TFPI2: variants seen among roughly 807,000 people sequenced by gnomAD.
TFPI2 encodes tissue factor pathway inhibitor 2.
TFPI2 carries 23 observed loss-of-function variants against 23.1 expected under a neutral mutation model. The observed-to-expected ratio is 1.00, with a 90% CI of 0.72 to 1.41. TFPI2 has a LOEUF of 1.41. Among genes scored for constraint, TFPI2 ranks in the 40% most tolerant of loss-of-function variants. The probability of loss-of-function intolerance (pLI) is 0.00; values close to 1 mark genes in which losing one functional copy is unlikely to be tolerated. For missense variants in TFPI2, 291 were observed against 299.6 expected, an observed-to-expected ratio of 0.97 and a Z score of 0.21; for synonymous variants, 119 against 111.7, an observed-to-expected ratio of 1.07 and a Z score of -0.41.
Position 93,889,339 on chromosome 7 carries a change from A to T in TFPI2, c.272-116T>A, listed in dbSNP as rs1314083313. 8 of 937,936 alleles carry T rather than the reference A, an allele frequency of 8.5e-6. No individual in the cohort carries two copies. The Admixed American group carries it at 2.2e-4, about 26-fold the overall frequency. The allele number at this position is 937,936 out of a possible 1,614,324, so 58.1% of individuals were successfully genotyped here. A position where few individuals can be genotyped will look rare whatever the true frequency, so the allele number is the denominator to read the frequency against. On this transcript the variant is annotated intron_variant, in intron 2 of 4. Transcript: ENST00000222543. ...AGAGAAGTTGTATTAGTGTTGGGATAGTAAATACCCAGAATACTCCCATGA... is the reference window on the plus strand; with the variant it reads ...AGAGAAGTTGTATTAGTGTTGGGATTGTAAATACCCAGAATACTCCCATGA...
At position 93,887,320 on chromosome 7, in the gene TFPI2, C is replaced by A; in HGVS notation, c.572G>T (p.Cys191Phe). ...RTCDAFTYTG[C>F]GGNDNNFVSR... ...AACAAAGTTATTGTCATTCCCTCCA[C>A]AGCCAGTATAGGTGAAAGCATCACA... The change falls in exon 4 of 5, where the codon TGT becomes TTT. Residue 191 changes from cysteine (C) to phenylalanine (F), a missense_variant. Cys to Phe is a radical substitution (Grantham distance 205). Coordinates refer to ENST00000222543, the MANE Select transcript of TFPI2 (RefSeq NM_006528.4). The A allele has an allele frequency of 6.2e-7, 1 of 1,613,708 alleles. No individual in the cohort carries two copies.
In TFPI2 at chr7:93,889,108, C is replaced by T; in HGVS notation, c.387G>A (p.Gly129=). ...SMTCEKFFSG[G]CHRNRIENRF... is the part of the protein sequence containing the mutation. The stretch of plus-strand genomic sequence containing the variant: ...TGTTCTCAATCCGGTTCCGGTGACA[C>T]CCACCGGAAAAGAATTTTTCACATG... The change falls in exon 3 of 5, where the codon GGG becomes GGA. Residue 129 remains glycine, a synonymous_variant. Coordinates refer to ENST00000222543, the MANE Select transcript of TFPI2 (RefSeq NM_006528.4). 3 of 1,613,128 alleles carry T rather than the reference C, an allele frequency of 1.9e-6. No individual in the cohort carries two copies. The highest frequency in any genetic ancestry group is 2.5e-6 in the Non-Finnish European group (3 of 1,179,626).
At chr7:93,888,784 G>A (rs533975551) in intron 3 of TFPI2, among the ~76,000 whole-genome samples, 1 of 152,070 alleles carries the variant, frequency 6.6e-6, no homozygotes, top group Non-Finnish European at 1.5e-5. Flanking sequence ...CCGAGATTGT[G>A]CCACTGCACT....
intron 1 of TFPI2, 99 bp from the exon 2 acceptor site, chr7:93,890,418 C>A: frequency 6.9e-7 from 1 of 1,454,360 alleles, no homozygotes; most frequent in South Asian, 1.4e-5. Flanking sequence ...CCCTTCCGAG[C>A]GGAGGGGCCT....
intron 2 of TFPI2, 21 bp downstream of exon 2, chr7:93,890,116 G>A: frequency 6.4e-7 from 1 of 1,567,620 alleles, no homozygotes. Flanking sequence ...CGAGAGTCCT[G>A]GGTGCGCGCA....
Position 93,890,257 on chromosome 7 carries a change from G to A in TFPI2, c.151C>T (p.Arg51Cys). The A allele has an allele frequency of 3.1e-6, 5 of 1,613,886 alleles. No individual in the cohort carries two copies. Among genetic ancestry groups the A allele is most frequent in the Non-Finnish European group, 4.2e-6 (5 of 1,179,738 alleles). The change falls in exon 2 of 5, where the codon CGT (arginine) becomes TGT (cysteine). Residue 51 changes from arginine (R) to cysteine (C), a missense_variant. By Grantham distance (180) the Arg-to-Cys change is radical. Transcript: ENST00000222543. ...DYGPCRALLL[R>C]YYYDRYTQSC... ...TGCGTGTACCTGTCGTAGTAGTAAC[G>A]GAGAAGTAGGGCCCGGCAGGGTCCG...
rs373909320 is a variant in TFPI2 at position 93,887,456 on chromosome 7, A to G, written c.461-25T>C. ...ACTTTATAAAAAAGAGAAGAAAATT[A>G]GAAATGTTATAATACCAGAATTTTT... On this transcript the variant is annotated intron_variant, in intron 3 of 4. Coordinates refer to ENST00000222543, the MANE Select transcript of TFPI2 (RefSeq NM_006528.4). 444 of 1,587,394 alleles carry G rather than the reference A, an allele frequency of 2.8e-4. 2 individuals are homozygous for G. The highest frequency in any genetic ancestry group is 3.5e-4 in the Non-Finnish European group (405 of 1,162,916).
At chr7:93,889,285 CTG>C (rs1794078859) in intron 2 of TFPI2, 62 bp from the exon 3 acceptor site, 4 of 1,443,312 alleles carry the variant, frequency 2.8e-6, no homozygotes, top group East Asian at 2.4e-5. Flanking sequence ...TAAACCATCA[CTG>C]TATTTTCAGC....
intron 3 of TFPI2, 45 bp downstream of exon 3, chr7:93,888,990 C>A (rs1300744879): frequency 6.5e-7 from 1 of 1,548,428 alleles, no homozygotes; most frequent in South Asian, 1.2e-5. Flanking sequence ...ACCCAAATGT[C>A]TTTTCAAAAA....
rs1054220331 is a variant in TFPI2 at position 93,885,583 on chromosome 7, A to G, written c.*1237T>C. ...TTAGTATCTTCTGTGATGTTTGTGT[A>G]TATGTGTGTTTATTCATACTGTTCT... On this transcript the variant is annotated 3_prime_UTR_variant, in exon 5 of 5. Coordinates refer to ENST00000222543, the MANE Select transcript of TFPI2 (RefSeq NM_006528.4). 2.0e-5 allele frequency: 3 copies of G among 152,038 alleles called. No individual in the cohort carries two copies. Among genetic ancestry groups the G allele is most frequent in the African/African-American group, 7.2e-5 (3 of 41,526 alleles). 9.4% of individuals were successfully genotyped at this position (152,038 alleles called of 1,614,324 possible).
intron 3 of TFPI2, 107 bp downstream of exon 3, chr7:93,888,928 G>T: frequency 2.9e-6 from 3 of 1,033,534 alleles, no homozygotes; most frequent in Admixed American, 2.7e-5. Flanking sequence ...GTCAAGTAAT[G>T]TGAAATCATG....
Position 93,890,730 on chromosome 7 carries a change from G to A in TFPI2, c.-52C>T, listed in dbSNP as rs751373097. 4 of 1,540,948 alleles carry A rather than the reference G, an allele frequency of 2.6e-6. No individual in the cohort carries two copies. In the Admixed American group the frequency reaches 5.4e-5, roughly 21 times the overall value. ...GGCAAGGCGTCCGAGAAAGCGCCTG[G>A]CGGGAGGAGGTGCGCGGCTTTCTGC... On this transcript the variant is annotated 5_prime_UTR_variant, in exon 1 of 5. Transcript: ENST00000222543.
At chr7:93,888,639 GAGAA>G (rs960467297) in intron 3 of TFPI2, among the ~76,000 whole-genome samples, 6 of 144,526 alleles carry the variant, frequency 4.2e-5, no homozygotes, top group East Asian at 2.0e-4. Context: ...GAAGGAAGGA[GAGAA>G]AGAAAGAGAA....
intron 4 of TFPI2, 112 bp from the exon 5 acceptor site, chr7:93,887,008 T>C (rs1433745526): frequency 3.4e-6 from 3 of 879,084 alleles, no homozygotes; most frequent in Non-Finnish European, 5.1e-6. Context: ...TTTTAAGGAC[T>C]GTGAAGTCAA....
At position 93,890,146 on chromosome 7, in the gene TFPI2, T is replaced by G. The variant is rs111975101; in HGVS notation, c.262A>C (p.Arg88=). ...TWEACDDACW[R]IEKVPKVCRL... is the part of the protein sequence containing the mutation. ...CGCGCAGGGCACTTACTTTCTATCC[T>G]CCAGCAAGCATCGTCGCAAGCCTCC... The change falls in exon 2 of 5, where the codon AGG becomes CGG. Residue 88 remains arginine (R), a synonymous_variant. Coordinates refer to ENST00000222543, the MANE Select transcript of TFPI2 (RefSeq NM_006528.4). The G allele has an allele frequency of 2.8e-4, 456 of 1,604,684 alleles. No homozygotes were observed. In the African/African-American group the frequency reaches 5.0e-3, roughly 18 times the overall value.
At chr7:93,888,791 C>A (rs1794066309) in intron 3 of TFPI2, among the ~76,000 whole-genome samples, 1 of 152,114 alleles carries the variant, frequency 6.6e-6, no homozygotes, top group Non-Finnish European at 1.5e-5. Flanking sequence ...TGTGCCACTG[C>A]ACTCCAGCCT....
intron 3 of TFPI2, among the ~76,000 whole-genome samples, chr7:93,887,834 A>C (rs937629404): frequency 2.4e-4 from 37 of 152,236 alleles, no homozygotes; most frequent in African/African-American, 8.9e-4. Flanking sequence ...AATCAATAAT[A>C]TATGCATACT....
rs761474099 is a variant in TFPI2 at position 93,890,173 on chromosome 7, A to C, written c.235T>G (p.Trp79Gly). The change falls in exon 2 of 5, where the codon TGG (tryptophan) becomes GGG (glycine). Residue 79 changes from tryptophan (W) to glycine (G), a missense_variant. Transcript: ENST00000222543. The part of the protein sequence containing the change: ...CEGNANNFYT[W>G]EACDDACWRI... ...CAGCAAGCATCGTCGCAAGCCTCCC[A>C]GGTGTAGAAATTGTTGGCGTTGCCC... 6.2e-7 allele frequency: 1 copy of C among 1,612,774 alleles called. No homozygotes were observed. The highest frequency in any genetic ancestry group is 1.1e-5 in the South Asian group (1 of 90,926).
At chr7:93,889,423 T>G (rs1044469720) in intron 2 of TFPI2, among the ~76,000 whole-genome samples, 200 bp from the exon 3 acceptor site, 1 of 152,070 alleles carries the variant, frequency 6.6e-6, no homozygotes, top group African/African-American at 2.4e-5. Flanking sequence ...TCAGCTGTGA[T>G]GTATCTTTCA....
Sources: gnomAD v4.1 joint callset for allele counts (sites outside exome capture counted in the v4.1 genomes callset) on GRCh38, gnomAD v4.1.1 for gene constraint, MANE v1.5 for transcripts, NCBI Gene and HGNC (gene_info 2026-07-23, HGNC 2026-07-21) for gene names.